The following MUC12 variants were observed in gnomAD, a reference collection of about 807,000 sequenced individuals.
The protein encoded by MUC12 is mucin-12.
A neutral mutation model predicts 230.8 loss-of-function variants in MUC12; 172 were observed. That is an observed-to-expected ratio of 0.75 (90% CI 0.66 to 0.85). The LOEUF (loss-of-function observed/expected upper bound fraction) is 0.85, where lower values mean the gene tolerates loss of function less well. Ranked by LOEUF, MUC12 falls within the 40% of genes least tolerant of loss-of-function variation. MUC12 has a pLI of 0.00. For synonymous variants in MUC12, 1,259 were observed against 2,401.9 expected (o/e 0.52, Z 13.91); for missense variants, 3,506 against 5,920.6 (o/e 0.59, Z 13.38).
At chr7:101,015,347 A>G (rs571221321) in intron 9 of MUC12, 2 of 464,308 alleles carry the variant, frequency 4.3e-6, no homozygotes, top group Non-Finnish European at 7.8e-6. Context: ...CAGCAACTGA[A>G]GGGAGCTACC....
Position 100,978,247 on chromosome 7 carries a change from TG to T in MUC12, c.67+8559del, listed in dbSNP as rs1313095621. ...AGAAGTCCATCCACCGCCATTGGTG[TG>T]TGCAGGGGTTGGGGTGGCCCCAGCT... On this transcript the variant is annotated intron_variant, in intron 1 of 11. Coordinates refer to ENST00000536621, the MANE Select transcript of MUC12 (RefSeq NM_001164462.2). Among the ~76,000 whole-genome samples the T allele has an allele frequency of 2.0e-5, 3 of 152,148 alleles. No individual in the cohort carries two copies. In the South Asian group the frequency reaches 6.2e-4, roughly 31 times the overall value.
chr7:101,010,242 T>C lies in MUC12; in HGVS notation c.15251+1083T>C, dbSNP rs973534980. Among the ~76,000 whole-genome samples the C allele has an allele frequency of 4.0e-5, 6 of 151,794 alleles. 1 individual carries two copies. The highest frequency in any genetic ancestry group is 8.8e-5 in the Non-Finnish European group (6 of 67,982). ...GGGGTAGAATGGGGGAAGGAGATGA[T>C]GAGTTCAGTGTGCATCACATCAAGT... On this transcript the variant is annotated intron_variant, in intron 5 of 11. Transcript: ENST00000536621.
In MUC12 at chr7:100,992,090, T is replaced by G; in HGVS notation, c.1527T>G (p.Pro509=). The part of the protein sequence containing the change: ...SPRSPDTTHL[P]ASMTSSGVSE... ...GATCACCAGACACAACACACTTACC[T>G]GCCAGCATGACAAGCTCAGGCGTCA... The change falls in exon 2 of 12, where the codon CCT becomes CCG. Residue 509 remains proline (P), a synonymous_variant. Coordinates refer to ENST00000536621, the MANE Select transcript of MUC12 (RefSeq NM_001164462.2). 3 of 1,537,258 alleles carry G rather than the reference T, an allele frequency of 2.0e-6. No individual in the cohort carries two copies. The highest frequency in any genetic ancestry group is 1.7e-6 in the Non-Finnish European group (2 of 1,146,640).
chr7:101,017,550 C>T (rs764561889), intron 10 of MUC12, 25 bp from the exon 11 acceptor site: 47 of 1,476,686 alleles, frequency 3.2e-5, no homozygotes, highest in African/African-American at 2.8e-5. Flanking sequence ...AGGCTCCCAT[C>T]ACTCATCACG....
At chr7:101,008,508 C>G (rs1469324096) in intron 3 of MUC12, 126 bp from the exon 4 acceptor site, 2 of 1,310,130 alleles carry the variant, frequency 1.5e-6, no homozygotes, top group Admixed American at 5.3e-5. Flanking sequence ...AGACAGGGAA[C>G]AGTGACCCCA....
rs760221184 is a variant in MUC12, at chr7:101,012,966, C to T, written c.15476-14C>T. ...TGGCCAGGCTCATGCATGCTGCCCGCCCCTCTCCCTCAGAGCAATGCACCC... is the reference window on the plus strand; with the variant it reads ...TGGCCAGGCTCATGCATGCTGCCCGTCCCTCTCCCTCAGAGCAATGCACCC... On this transcript the variant is annotated splice_polypyrimidine_tract_variant and intron_variant, in intron 7 of 11. Transcript: ENST00000536621. 11 of 1,537,120 alleles carry T rather than the reference C, an allele frequency of 7.2e-6. No individual in the cohort carries two copies. Among genetic ancestry groups the T allele is most frequent in the Non-Finnish European group, 8.7e-6 (10 of 1,146,924 alleles).
At position 101,017,597 on chromosome 7, in the gene MUC12, A is replaced by C. The variant is rs1256000476; in HGVS notation, c.15900A>C (p.Arg5300Ser). Residue 5300 changes from arginine (R) to serine (S), a missense_variant, in exon 11 of 12, where the codon AGA (arginine) becomes AGC (serine). Coordinates refer to ENST00000536621, the MANE Select transcript of MUC12 (RefSeq NM_001164462.2). ...CAGACCAGAATCTGAGGGAGAGCAG[A>C]TTCGGCCTTGAGAACGCCTACAACA... Reference protein sequence around the residue: ...IWEDQNLRESRFGLENAYNNF... With the variant: ...IWEDQNLRESSFGLENAYNNF... 2.6e-6 allele frequency: 4 copies of C among 1,535,848 alleles called. No individual in the cohort carries two copies. The highest frequency in any genetic ancestry group is 2.7e-5 in the African/African-American group (2 of 72,870).
At chr7:101,012,683 T>G in intron 6 of MUC12, 136 bp from the exon 7 acceptor site, 1 of 1,052,832 alleles carries the variant, frequency 9.5e-7, no homozygotes, top group Non-Finnish European at 1.4e-6. Flanking sequence ...CCCAGCTGCA[T>G]GTCTAGGGTG....
rs1293853169 is a variant in MUC12, at chr7:101,005,154, C to A, written c.14591C>A (p.Ala4864Glu). The A allele has an allele frequency of 4.6e-6, 7 of 1,537,790 alleles. No individual in the cohort carries two copies. The highest frequency in any genetic ancestry group is 6.1e-6 in the Non-Finnish European group (7 of 1,147,074). Residue 4864 changes from alanine (A) to glutamate (E), a missense_variant, in exon 2 of 12, where the codon GCG (alanine) becomes GAG (glutamate). Physicochemically the swap from Ala to Glu is moderately radical, Grantham distance 107. Coordinates refer to ENST00000536621, the MANE Select transcript of MUC12 (RefSeq NM_001164462.2). The part of the protein sequence containing the change: ...YSSPGSTETT[A>E]FSHSNTMSIH... ...AGCCCAGGCTCAACTGAAACCACAGCGTTTTCTCACAGCAACACAATGTCC... is the reference window on the plus strand; with the variant it reads ...AGCCCAGGCTCAACTGAAACCACAGAGTTTTCTCACAGCAACACAATGTCC...
rs185060464 is a variant in MUC12 at position 101,006,002 on chromosome 7, T to C, written c.14957-469T>C. Among the ~76,000 whole-genome samples the C allele has an allele frequency of 8.9e-4, 135 of 152,274 alleles. 1 individual carries two copies. Among genetic ancestry groups the C allele is most frequent in the African/African-American group, 3.0e-3 (126 of 41,552 alleles). ...TAGTAGAGACGGGTTTTTACCATGTTGACCAAGCTAGTCTCAAACTCCTGA... is the reference window on the plus strand; with the variant it reads ...TAGTAGAGACGGGTTTTTACCATGTCGACCAAGCTAGTCTCAAACTCCTGA... On this transcript the variant is annotated intron_variant, in intron 2 of 11. Transcript: ENST00000536621.
intron 1 of MUC12, chr7:100,972,098 C>A (rs1214473850): frequency 1.6e-5 from 9 of 550,840 alleles, no homozygotes; most frequent in South Asian, 6.4e-5. Flanking sequence ...ATCCAGAGAC[C>A]CCCTGCCCTC....
chr7:100,981,731 G>C (rs1355740797), intron 1 of MUC12, among the ~76,000 whole-genome samples: 1 of 152,112 alleles, frequency 6.6e-6, no homozygotes, highest in Non-Finnish European at 1.5e-5. Flanking sequence ...TGTTCGGAAT[G>C]GTCCCCCGCA....
In MUC12 at chr7:101,010,319, G is replaced by A. The variant is rs563304539; in HGVS notation, c.15251+1160G>A. Reference sequence around the variant, plus strand: ...GGAGTGGTTGCGTGATGCAGCAGTGGAATGTGCCCTAAAGGGTCTTATTTT... The same window carrying A: ...GGAGTGGTTGCGTGATGCAGCAGTGAAATGTGCCCTAAAGGGTCTTATTTT... On this transcript the variant is annotated intron_variant, in intron 5 of 11. Coordinates refer to ENST00000536621, the MANE Select transcript of MUC12 (RefSeq NM_001164462.2). Among the ~76,000 whole-genome samples, 8 of 152,152 alleles carry A rather than the reference G, an allele frequency of 5.3e-5. No homozygotes were observed. In the South Asian group the frequency reaches 1.7e-3, roughly 32 times the overall value.
At chr7:100,978,144 C>T (rs571918707) in intron 1 of MUC12, among the ~76,000 whole-genome samples, 8 of 152,278 alleles carry the variant, frequency 5.3e-5, no homozygotes, top group Non-Finnish European at 1.0e-4. Context: ...ATTCAATGCG[C>T]GATACCATGC....
At position 101,018,872 on chromosome 7, in the gene MUC12, G is replaced by A. The variant is rs1794005419; in HGVS notation, c.*236G>A. ...GACTCCCAGAAGCCTCGGCACCCCT[G>A]TCTCCTCCTGGGTGGCTCCCCACTC... On this transcript the variant is annotated 3_prime_UTR_variant, in exon 12 of 12. Coordinates refer to ENST00000536621, the MANE Select transcript of MUC12 (RefSeq NM_001164462.2). The A allele has an allele frequency of 4.3e-6, 2 of 465,600 alleles. No individual in the cohort carries two copies. The highest frequency in any genetic ancestry group is 3.7e-6 in the Non-Finnish European group (1 of 267,342). 28.8% of individuals were successfully genotyped at this position (465,600 alleles called of 1,614,324 possible).
intron 3 of MUC12, among the ~76,000 whole-genome samples, chr7:101,006,917 C>A (rs1793762909): frequency 6.6e-6 from 1 of 152,086 alleles, no homozygotes; most frequent in African/African-American, 2.4e-5. Flanking sequence ...AGCATTTAAC[C>A]TTTATGTTAC....
At position 101,013,003 on chromosome 7, in the gene MUC12, G is replaced by A. The variant is rs556807992; in HGVS notation, c.15499G>A (p.Glu5167Lys). The change falls in exon 8 of 12, where the codon GAA becomes AAA. Residue 5167 changes from glutamate to lysine, a missense_variant. Glu to Lys is a moderately conservative substitution (Grantham distance 56). Coordinates refer to ENST00000536621, the MANE Select transcript of MUC12 (RefSeq NM_001164462.2). Reference sequence around the variant, plus strand: ...AGAGCAATGCACCCAGAAGGCTGCCGAAGGATATACCCAGTTCTACTATGT... The same window carrying A: ...AGAGCAATGCACCCAGAAGGCTGCCAAAGGATATACCCAGTTCTACTATGT... ...FQEQCTQKAAEGYTQFYYVDV... is the reference protein window; with the variant it reads ...FQEQCTQKAAKGYTQFYYVDV... 24 of 1,537,324 alleles carry A rather than the reference G, an allele frequency of 1.6e-5. No homozygotes were observed. In the Admixed American group the frequency reaches 2.7e-4, roughly 18 times the overall value.
At chr7:100,970,791 A>G (rs1792861396) in intron 1 of MUC12, among the ~76,000 whole-genome samples, 1 of 151,800 alleles carries the variant, frequency 6.6e-6, no homozygotes, top group African/African-American at 2.4e-5. Context: ...AGGTCAGGAG[A>G]TCGAGACCAT....
At position 101,008,704 on chromosome 7, in the gene MUC12, G is replaced by T. The variant is rs772599286; in HGVS notation, c.15129G>T (p.Lys5043Asn). The T allele has an allele frequency of 1.8e-5, 28 of 1,537,184 alleles. No homozygotes were observed. Among genetic ancestry groups the T allele is most frequent in the Non-Finnish European group, 2.4e-5 (27 of 1,146,936 alleles). Residue 5043 changes from lysine (K) to asparagine (N), a missense_variant, in exon 4 of 12, where the codon AAG (lysine) becomes AAT (asparagine). Coordinates refer to ENST00000536621, the MANE Select transcript of MUC12 (RefSeq NM_001164462.2). ...TGACTTACAGAAATTTCACAGAAAA[G>T]ATGAATGACGCATCCTCCCAGGAAT... The part of the protein sequence containing the change: ...VKVTYRNFTE[K>N]MNDASSQEYQ...
Sources: allele counts gnomAD v4.1 joint callset (sites outside exome capture counted in the v4.1 genomes callset), GRCh38; gene constraint gnomAD v4.1.1; transcripts MANE v1.5; gene names NCBI Gene and HGNC (gene_info 2026-07-23, HGNC 2026-07-21).